The following ANK3 variants were observed in gnomAD, a reference collection of about 807,000 sequenced individuals.
The protein encoded by ANK3 is ankyrin-3.
Under a neutral mutation model 370.9 loss-of-function variants are expected in ANK3, and 57 were observed. That is an observed-to-expected ratio of 0.15 (90% CI 0.12 to 0.19). The LOEUF (loss-of-function observed/expected upper bound fraction) is 0.19, where lower values mean the gene tolerates loss of function less well. ANK3 is among the 10% of genes least tolerant of loss of function. The pLI is 1.00. For synonymous variants in ANK3, 1,929 were observed against 1,946.3 expected (o/e 0.99, Z 0.23); for missense variants, 4,439 against 5,302.1 (o/e 0.84, Z 5.06).
At chr10:60,625,631 C>T (rs1254285314) in intron 1 of ANK3, among the ~76,000 whole-genome samples, 1 of 152,172 alleles carries the variant, frequency 6.6e-6, no homozygotes, top group Non-Finnish European at 1.5e-5. Flanking sequence ...CTGGCTCATC[C>T]TCCCCACTTA....
chr10:60,038,928 C>A (rs1237289715), intron 43 of ANK3, among the ~76,000 whole-genome samples: 3 of 152,178 alleles, frequency 2.0e-5, no homozygotes, highest in Non-Finnish European at 4.4e-5. Flanking sequence ...ATAATTGGTG[C>A]CACTGATGAG....
At chr10:60,623,937 C>G (rs549963560) in intron 1 of ANK3, among the ~76,000 whole-genome samples, 1 of 152,238 alleles carries the variant, frequency 6.6e-6, no homozygotes, top group East Asian at 1.9e-4. Flanking sequence ...TGACCAAACA[C>G]GCCTGTGTGA....
chr10:60,029,627 A>C lies in ANK3; in HGVS notation c.*219T>G, dbSNP rs1435620903. 1 of 152,568 alleles carries C rather than the reference A, an allele frequency of 6.6e-6. No homozygotes were observed. Among genetic ancestry groups the C allele is most frequent in the Non-Finnish European group, 1.5e-5 (1 of 68,030 alleles). The allele number at this position is 152,568 out of a possible 1,614,324, so 9.5% of individuals were successfully genotyped here. A position where few individuals can be genotyped will look rare whatever the true frequency, so the allele number is the denominator to read the frequency against. On this transcript the variant is annotated 3_prime_UTR_variant, in exon 44 of 44. Transcript: ENST00000280772. ...TGCACACGCGCCAATCCGGAAATGA[A>C]AGTGATTTCCATGCTCTGTAAATTG...
intron 1 of ANK3, among the ~76,000 whole-genome samples, chr10:60,684,220 C>T (rs748037605): frequency 3.9e-5 from 6 of 152,120 alleles, no homozygotes; most frequent in Non-Finnish European, 8.8e-5. Flanking sequence ...TGATTAGGGG[C>T]GCGCAGGCAG....
chr10:60,442,709 A>T (rs941688456), intron 2 of ANK3, among the ~76,000 whole-genome samples: 10 of 152,208 alleles, frequency 6.6e-5, no homozygotes, highest in Non-Finnish European at 1.0e-4. Context: ...GGAATAAAGT[A>T]TTCTTCATTC....
At chr10:60,174,873 C>A (rs1490831702) in intron 18 of ANK3, among the ~76,000 whole-genome samples, 1 of 152,032 alleles carries the variant, frequency 6.6e-6, no homozygotes, top group Non-Finnish European at 1.5e-5. Flanking sequence ...GCATGCACCA[C>A]CACGCCTGGC....
At chr10:60,638,309 G>A (rs1454227774) in intron 1 of ANK3, among the ~76,000 whole-genome samples, 1 of 152,174 alleles carries the variant, frequency 6.6e-6, no homozygotes, top group Non-Finnish European at 1.5e-5. Flanking sequence ...AGAAGGTCAT[G>A]CCTTAGTAGT....
intron 12 of ANK3, 145 bp from the exon 13 acceptor site, chr10:60,200,372 G>A: frequency 1.4e-6 from 1 of 708,662 alleles, no homozygotes; most frequent in African/African-American, 1.8e-5. Flanking sequence ...GAAATCAAAT[G>A]CATGAGAATT....
chr10:60,144,152 A>G (rs772017678), intron 23 of ANK3: 4 of 417,850 alleles, frequency 9.6e-6, no homozygotes, highest in Non-Finnish European at 1.4e-5. Context: ...CGATTAACTC[A>G]CAGAACCAAG....
chr10:60,722,932 C>T (rs2079885152), intron 1 of ANK3, among the ~76,000 whole-genome samples: 1 of 152,204 alleles, frequency 6.6e-6, no homozygotes, highest in Admixed American at 6.5e-5. Context: ...CCTGTAGAAC[C>T]ATGAGCCAAC....
chr10:60,031,442 G>T (rs952534788), intron 43 of ANK3, among the ~76,000 whole-genome samples: 1 of 152,082 alleles, frequency 6.6e-6, no homozygotes, highest in African/African-American at 2.4e-5. Context: ...GTATGAATTT[G>T]CCTTTTCCAT....
chr10:60,149,155 A>G (rs2132242079), intron 23 of ANK3, among the ~76,000 whole-genome samples: 1 of 152,332 alleles, frequency 6.6e-6, no homozygotes, highest in East Asian at 1.9e-4. Context: ...AGAGATGTGT[A>G]CACACAAGGC....
intron 4 of ANK3, among the ~76,000 whole-genome samples, chr10:60,277,748 C>T (rs1396441444): frequency 6.6e-6 from 1 of 152,186 alleles, no homozygotes; most frequent in Non-Finnish European, 1.5e-5. Context: ...TCCTTGACTT[C>T]AGGAAACTTA....
intron 5 of ANK3, among the ~76,000 whole-genome samples, chr10:60,264,685 T>C (rs1403797912): frequency 6.6e-6 from 1 of 152,058 alleles, no homozygotes; most frequent in Non-Finnish European, 1.5e-5. Flanking sequence ...GGCAAAGTTT[T>C]CAAAGGAGAT....
At chr10:60,475,231 T>C (rs2075030418) in intron 2 of ANK3, among the ~76,000 whole-genome samples, 1 of 152,030 alleles carries the variant, frequency 6.6e-6, no homozygotes, top group African/African-American at 2.4e-5. Flanking sequence ...AGCAAATGGA[T>C]CATACCGATA....
intron 27 of ANK3, among the ~76,000 whole-genome samples, chr10:60,107,259 TTAAGA>T (rs1425693410): frequency 2.6e-5 from 4 of 152,186 alleles, no homozygotes; most frequent in Admixed American, 1.3e-4. Flanking sequence ...AATTTCAAGA[TTAAGA>T]TATTTACCAG....
At chr10:60,431,474 C>T (rs372551596) in intron 2 of ANK3, among the ~76,000 whole-genome samples, 1 of 152,266 alleles carries the variant, frequency 6.6e-6, no homozygotes, top group African/African-American at 2.4e-5. Flanking sequence ...TGCTGTGCAG[C>T]CCGGTTCCTA....
At chr10:60,143,735 G>A (rs1027370153) in intron 23 of ANK3, among the ~76,000 whole-genome samples, 2 of 152,078 alleles carry the variant, frequency 1.3e-5, no homozygotes, top group African/African-American at 4.8e-5. Context: ...ATTGAATCTG[G>A]GTTGGCTGAA....
intron 5 of ANK3, among the ~76,000 whole-genome samples, chr10:60,267,972 G>A (rs1248479284): frequency 1.3e-5 from 2 of 152,192 alleles, no homozygotes; most frequent in East Asian, 1.9e-4. Context: ...AGTGTGAAGA[G>A]AGGCACCGTT....
Sources: gnomAD v4.1 joint callset for allele counts (sites outside exome capture counted in the v4.1 genomes callset) on GRCh38, gnomAD v4.1.1 for gene constraint, MANE v1.5 for transcripts, NCBI Gene and HGNC (gene_info 2026-07-23, HGNC 2026-07-21) for gene names.